The following LGR5 variants were observed in gnomAD, a reference collection of about 807,000 sequenced individuals.
The protein encoded by LGR5 is leucine-rich repeat-containing G protein-coupled receptor 5.
In LGR5, 54 loss-of-function variants were observed where a neutral mutation model predicts 76.7. The observed-to-expected ratio is 0.70, with a 90% CI of 0.57 to 0.88. LGR5 has a LOEUF of 0.88. Among genes scored for constraint, LGR5 ranks in the 40% least tolerant of loss-of-function variants. LGR5 has a pLI of 0.00. For synonymous variants in LGR5, 406 were observed against 421.9 expected (o/e 0.96, Z 0.46); for missense variants, 1,078 against 1,073.3 (o/e 1.00, Z -0.06).
intron 4 of LGR5, among the ~76,000 whole-genome samples, chr12:71,551,033 A>G (rs1454096301): frequency 1.3e-5 from 2 of 152,262 alleles, no homozygotes; most frequent in Admixed American, 1.3e-4. Flanking sequence ...TTGTGGCTCC[A>G]TTTGTTGACA....
intron 1 of LGR5, among the ~76,000 whole-genome samples, chr12:71,447,479 A>G (rs77750619): frequency 0.017 from 2,606 of 152,304 alleles, 83 homozygotes; most frequent in African/African-American, 0.059. Flanking sequence ...AATGTTTTAA[A>G]ATAGTACTCT....
intron 11 of LGR5, 166 bp downstream of exon 11, chr12:71,567,078 A>G: frequency 1.6e-6 from 1 of 624,960 alleles, no homozygotes; most frequent in Non-Finnish European, 2.9e-6. Context: ...GCTCTCTGAC[A>G]TGATCCTGGT....
At chr12:71,452,856 T>C (rs1162436405) in intron 1 of LGR5, among the ~76,000 whole-genome samples, 1 of 152,196 alleles carries the variant, frequency 6.6e-6, no homozygotes, top group Non-Finnish European at 1.5e-5. Flanking sequence ...TGAAGACTGG[T>C]GAGATAATGC....
chr12:71,443,411 A>G (rs1457343952), intron 1 of LGR5, among the ~76,000 whole-genome samples: 1 of 152,316 alleles, frequency 6.6e-6, no homozygotes, highest in East Asian at 1.9e-4. Flanking sequence ...AAAACGCTGG[A>G]AAAATCTCAG....
intron 1 of LGR5, among the ~76,000 whole-genome samples, chr12:71,480,606 C>T (rs1443890031): frequency 6.6e-6 from 1 of 152,010 alleles, no homozygotes; most frequent in Non-Finnish European, 1.5e-5. Flanking sequence ...TTGTGTCAAT[C>T]CGAAGGGGGA....
chr12:71,579,095 G>A (rs1878985668), intron 15 of LGR5, among the ~76,000 whole-genome samples, 166 bp downstream of exon 15: 2 of 152,138 alleles, frequency 1.3e-5, no homozygotes, highest in African/African-American at 4.8e-5. Context: ...CCCTGAAGTG[G>A]GAAAATGTGT....
chr12:71,552,226 G>A (rs958316224), intron 4 of LGR5, among the ~76,000 whole-genome samples: 8 of 151,940 alleles, frequency 5.3e-5, no homozygotes, highest in Non-Finnish European at 8.8e-5. Flanking sequence ...TGTTCTGCAC[G>A]TGTATCCCAG....
intron 13 of LGR5, among the ~76,000 whole-genome samples, chr12:71,576,600 C>G (rs1878866615): frequency 6.6e-6 from 1 of 152,154 alleles, no homozygotes; most frequent in Non-Finnish European, 1.5e-5. Flanking sequence ...GAAAATGACT[C>G]CTCTGGGGCT....
chr12:71,565,806 C>G (rs147015729), intron 8 of LGR5, among the ~76,000 whole-genome samples: 81 of 151,884 alleles, frequency 5.3e-4, no homozygotes, highest in African/African-American at 1.7e-3. Context: ...CCAGGCAGTT[C>G]AAATACCACT....
intron 1 of LGR5, among the ~76,000 whole-genome samples, chr12:71,491,058 G>C (rs1435878588): frequency 1.3e-5 from 2 of 152,094 alleles, no homozygotes; most frequent in African/African-American, 4.8e-5. Flanking sequence ...TTTATAAAGG[G>C]CAGTTCCCCT....
chr12:71,460,746 G>A (rs542922807), intron 1 of LGR5, among the ~76,000 whole-genome samples: 1 of 152,186 alleles, frequency 6.6e-6, no homozygotes, highest in African/African-American at 2.4e-5. Context: ...GAATCATCCA[G>A]CCCCATTCTT....
chr12:71,529,700 A>G (rs938642391), intron 3 of LGR5, among the ~76,000 whole-genome samples: 6 of 152,168 alleles, frequency 3.9e-5, no homozygotes, highest in African/African-American at 1.4e-4. Context: ...TCACACCTCT[A>G]ATCCCAGCAC....
chr12:71,439,758 C>A, upstream of LGR5: 1 of 313,372 alleles, frequency 3.2e-6, no homozygotes, highest in Non-Finnish European at 5.9e-6. Flanking sequence ...GCAATTCGGG[C>A]TGGAGCGCTT....
chr12:71,577,520 T>C (rs927612539), intron 13 of LGR5, among the ~76,000 whole-genome samples: 1 of 152,192 alleles, frequency 6.6e-6, no homozygotes, highest in Non-Finnish European at 1.5e-5. Context: ...CAAATTTTTT[T>C]GAGTTTCATT....
intron 3 of LGR5, among the ~76,000 whole-genome samples, chr12:71,528,064 A>C (rs896757630): frequency 6.6e-6 from 1 of 151,184 alleles, no homozygotes; most frequent in Non-Finnish European, 1.5e-5. Context: ...ATTAAATGGA[A>C]TAAACAGTTT....
intron 15 of LGR5, 23 bp from the exon 16 acceptor site, chr12:71,580,255 G>A (rs1444849732): frequency 6.4e-7 from 1 of 1,574,316 alleles, no homozygotes; most frequent in Non-Finnish European, 8.6e-7. Flanking sequence ...AGTGTTTTTT[G>A]TTTGGGTTTT....
At chr12:71,452,443 G>A (rs1029400182) in intron 1 of LGR5, among the ~76,000 whole-genome samples, 1 of 152,148 alleles carries the variant, frequency 6.6e-6, no homozygotes, top group Non-Finnish European at 1.5e-5. Flanking sequence ...CTCAAACTTT[G>A]TCCACATACC....
chr12:71,494,249 AT>A (rs1225870735), intron 1 of LGR5, among the ~76,000 whole-genome samples: 3 of 149,364 alleles, frequency 2.0e-5, no homozygotes, highest in East Asian at 2.0e-4. Flanking sequence ...CCCGGCCTTG[AT>A]TTTTTTTTGT....
chr12:71,528,389 G>A (rs1360734710), intron 3 of LGR5, among the ~76,000 whole-genome samples: 1 of 152,108 alleles, frequency 6.6e-6, no homozygotes, highest in Non-Finnish European at 1.5e-5. Flanking sequence ...ATGAGCCTAG[G>A]AGGTTGGGGC....
Sources: allele counts gnomAD v4.1 joint callset (sites outside exome capture counted in the v4.1 genomes callset), GRCh38; gene constraint gnomAD v4.1.1; transcripts MANE v1.5; gene names NCBI Gene and HGNC (gene_info 2026-07-23, HGNC 2026-07-21).